Variants in EVI5 observed in about 807,000 individuals in gnomAD.
The protein encoded by EVI5 is ecotropic viral integration site 5 protein homolog.
A neutral mutation model predicts 112.0 loss-of-function variants in EVI5; 73 were observed. That is an observed-to-expected ratio of 0.65 (90% CI 0.54 to 0.79). EVI5 has a LOEUF of 0.79. Ranked by LOEUF, EVI5 falls within the 30% of genes least tolerant of loss-of-function variation. The probability of loss-of-function intolerance (pLI) is 0.00; values close to 1 mark genes in which losing one functional copy is unlikely to be tolerated. For missense variants in EVI5, 900 were observed against 968.8 expected (o/e 0.93, Z 0.94); for synonymous variants, 305 against 319.9 (o/e 0.95, Z 0.50).
At chr1:92,527,971 T>C (rs74101184) in intron 19 of EVI5, among the ~76,000 whole-genome samples, 3,924 of 152,332 alleles carry the variant, frequency 0.026, 125 homozygotes, top group African/African-American at 0.073. Context: ...CTCATTTCTC[T>C]AGAGTGTAAC....
At chr1:92,784,278 G>A in intron 1 of EVI5, 2 of 984,384 alleles carry the variant, frequency 2.0e-6, no homozygotes, top group Non-Finnish European at 2.4e-6. Context: ...TTAATTTGAG[G>A]CTTGCCCCAC....
chr1:92,787,298 T>C (rs74588782), upstream of EVI5, among the ~76,000 whole-genome samples: 699 of 152,336 alleles, frequency 4.6e-3, 1 homozygote, highest in South Asian at 0.029. Context: ...ACTGATTTTA[T>C]ATCATTTTAG....
chr1:92,787,994 GA>G (rs990914096), upstream of EVI5, among the ~76,000 whole-genome samples: 3 of 151,874 alleles, frequency 2.0e-5, no homozygotes, highest in African/African-American at 7.2e-5. Flanking sequence ...AATCTGTGGT[GA>G]AAAAAAATCA....
chr1:92,720,697 C>T (rs1281186677), intron 2 of EVI5, among the ~76,000 whole-genome samples: 4 of 152,130 alleles, frequency 2.6e-5, no homozygotes, highest in African/African-American at 9.7e-5. Context: ...AACTAAAGAG[C>T]TTCTGCACAG....
rs1448076029 is a variant in EVI5 at position 92,785,054 on chromosome 1, G to C, written c.-300C>G. 2.0e-5 allele frequency: 20 copies of C among 985,370 alleles called. No individual in the cohort carries two copies. Among genetic ancestry groups the C allele is most frequent in the Non-Finnish European group, 2.2e-5 (18 of 830,040 alleles). The allele number at this position is 985,370 out of a possible 1,614,324, so 61.0% of individuals were successfully genotyped here. A position where few individuals can be genotyped will look rare whatever the true frequency, so the allele number is the denominator to read the frequency against. ...CTGTCGGAACTGCAGCCAGCCCCTT[G>C]CCAGCTGGCCAGCTGGTTCCTCCGG... On this transcript the variant is annotated 5_prime_UTR_variant, in exon 1 of 20. Transcript: ENST00000684568.
intron 1 of EVI5, among the ~76,000 whole-genome samples, chr1:92,751,794 T>C (rs939280250): frequency 3.3e-5 from 5 of 152,014 alleles, no homozygotes; most frequent in East Asian, 1.9e-4. Flanking sequence ...GGGTGGATCA[T>C]CTGGCTCAGG....
chr1:92,536,059 G>A (rs2101902266), intron 19 of EVI5, among the ~76,000 whole-genome samples: 1 of 152,238 alleles, frequency 6.6e-6, no homozygotes, highest in East Asian at 1.9e-4. Context: ...GCTTCATCAT[G>A]TTATGCATTA....
intron 19 of EVI5, among the ~76,000 whole-genome samples, chr1:92,539,647 G>A (rs747324361): frequency 1.3e-5 from 2 of 151,928 alleles, no homozygotes; most frequent in South Asian, 2.1e-4. Flanking sequence ...CCATCCATGG[G>A]CCCCAGGTTA....
At chr1:92,637,144 G>A (rs972246624) in intron 13 of EVI5, among the ~76,000 whole-genome samples, 5 of 152,080 alleles carry the variant, frequency 3.3e-5, no homozygotes, top group African/African-American at 1.2e-4. Flanking sequence ...TTGGGAGGCC[G>A]AGGCGGGTGG....
At chr1:92,650,718 T>C (rs973325790) in intron 13 of EVI5, among the ~76,000 whole-genome samples, 9 of 152,136 alleles carry the variant, frequency 5.9e-5, no homozygotes, top group African/African-American at 2.2e-4. Context: ...GATTAAATAA[T>C]TTCTTAAATT....
chr1:92,734,137 G>T (rs1480980032), intron 2 of EVI5, among the ~76,000 whole-genome samples: 1 of 152,192 alleles, frequency 6.6e-6, no homozygotes, highest in Non-Finnish European at 1.5e-5. Flanking sequence ...GGAACTTACA[G>T]ATCATATTCA....
At chr1:92,631,487 T>C (rs1269335250) in intron 14 of EVI5, among the ~76,000 whole-genome samples, 1 of 152,186 alleles carries the variant, frequency 6.6e-6, no homozygotes, top group Non-Finnish European at 1.5e-5. Flanking sequence ...TGTTTGTCTG[T>C]TATTGGTGTA....
intron 2 of EVI5, among the ~76,000 whole-genome samples, chr1:92,713,636 G>C (rs1381809534): frequency 6.6e-6 from 1 of 151,882 alleles, no homozygotes; most frequent in African/African-American, 2.4e-5. Flanking sequence ...AATTAGCCAG[G>C]CACAGTGGTG....
chr1:92,790,154 TAAAAATAA>T (rs1156537519), intron 1 of EVI5, among the ~76,000 whole-genome samples: 1 of 151,956 alleles, frequency 6.6e-6, no homozygotes, highest in African/African-American at 2.4e-5. Context: ...TGTACAAAAA[TAAAAATAA>T]AAAAATTAGC....
intron 13 of EVI5, among the ~76,000 whole-genome samples, chr1:92,645,842 A>G (rs1660840845): frequency 6.6e-6 from 1 of 152,114 alleles, no homozygotes; most frequent in Admixed American, 6.5e-5. Flanking sequence ...CATTGGTCTG[A>G]TAATCTGTTG....
intron 13 of EVI5, among the ~76,000 whole-genome samples, chr1:92,646,070 C>T (rs67026262): frequency 0.2 from 29,702 of 152,124 alleles, 3,437 homozygotes; most frequent in Non-Finnish European, 0.25. Flanking sequence ...GGACTTTACA[C>T]GTTCTCCCAT....
At chr1:92,661,482 C>T (rs1410938220) in intron 13 of EVI5, among the ~76,000 whole-genome samples, 1 of 152,044 alleles carries the variant, frequency 6.6e-6, no homozygotes, top group Non-Finnish European at 1.5e-5. Flanking sequence ...ATGCTAAATG[C>T]AAACAATACT....
intron 9 of EVI5, among the ~76,000 whole-genome samples, chr1:92,693,298 AC>A (rs1669790205): frequency 6.6e-6 from 1 of 152,188 alleles, no homozygotes; most frequent in African/African-American, 2.4e-5. Context: ...TGGGAGGATC[AC>A]TTGAGCCTAG....
chr1:92,645,346 A>G (rs1660736546), intron 13 of EVI5, among the ~76,000 whole-genome samples: 2 of 152,116 alleles, frequency 1.3e-5, no homozygotes, highest in Admixed American at 1.3e-4. Context: ...TTTCCATATT[A>G]TATCTTTTTC....
Sources: allele counts gnomAD v4.1 joint callset (sites outside exome capture counted in the v4.1 genomes callset), GRCh38; gene constraint gnomAD v4.1.1; transcripts MANE v1.5; gene names NCBI Gene and HGNC (gene_info 2026-07-23, HGNC 2026-07-21).